Variants in CCDC171 observed in about 807,000 individuals in gnomAD.
CCDC171 encodes the protein coiled-coil domain containing 171.
A neutral mutation model predicts 168.2 loss-of-function variants in CCDC171; 177 were observed. The ratio of observed to expected loss-of-function variants is 1.05; its 90% CI spans 0.93 to 1.19. The LOEUF (loss-of-function observed/expected upper bound fraction) is 1.19, where lower values mean the gene tolerates loss of function less well. Ranked by LOEUF, CCDC171 falls within the 50% of genes most tolerant of loss-of-function variation. The pLI is 0.00. For missense variants in CCDC171, 1,991 were observed against 1,539.0 expected, an observed-to-expected ratio of 1.29 and a Z score of -4.91; for synonymous variants, 687 against 540.8, an observed-to-expected ratio of 1.27 and a Z score of -3.75.
intron 11 of CCDC171, among the ~76,000 whole-genome samples, chr9:15,710,083 A>G (rs1380007416): frequency 1.3e-5 from 2 of 152,290 alleles, no homozygotes; most frequent in South Asian, 2.1e-4. Context: ...GTATTCATAA[A>G]TATTTAACTT....
At chr9:15,714,058 A>G (rs1425077434) in intron 11 of CCDC171, among the ~76,000 whole-genome samples, 1 of 152,188 alleles carries the variant, frequency 6.6e-6, no homozygotes, top group African/African-American at 2.4e-5. Context: ...ATTTAATTGC[A>G]GCAGCAATTG....
intron 2 of CCDC171, among the ~76,000 whole-genome samples, chr9:15,569,138 C>A (rs1323695376): frequency 6.6e-6 from 1 of 152,152 alleles, no homozygotes; most frequent in African/African-American, 2.4e-5. Flanking sequence ...AACCTGGGCT[C>A]TTTTAATAGG....
chr9:16,072,366 G>C, the CCDC171 span, among the ~76,000 whole-genome samples: 1 of 152,224 alleles, frequency 6.6e-6, no homozygotes, highest in African/African-American at 2.4e-5. Flanking sequence ...GAGGCAGGGA[G>C]CTCCTCTGGC....
At chr9:15,633,770 A>C (rs547433626) in intron 7 of CCDC171, among the ~76,000 whole-genome samples, 1 of 152,350 alleles carries the variant, frequency 6.6e-6, no homozygotes, top group Admixed American at 6.5e-5. Flanking sequence ...ACTTGGAACC[A>C]ACCCAAATGT....
chr9:15,673,758 T>C (rs1564185427), intron 9 of CCDC171, among the ~76,000 whole-genome samples: 1 of 152,240 alleles, frequency 6.6e-6, no homozygotes, highest in Non-Finnish European at 1.5e-5. Flanking sequence ...GCCAGTATTT[T>C]AATGAGGATT....
intron 6 of CCDC171, among the ~76,000 whole-genome samples, chr9:16,025,685 G>C (rs537982230): frequency 3.3e-5 from 5 of 152,202 alleles, no homozygotes; most frequent in Admixed American, 6.5e-5. Flanking sequence ...AAAAAAACTA[G>C]TCACAAAAGC....
At chr9:15,842,583 T>C (rs1164923349) in intron 21 of CCDC171, among the ~76,000 whole-genome samples, 1 of 151,644 alleles carries the variant, frequency 6.6e-6, no homozygotes, top group Non-Finnish European at 1.5e-5. Flanking sequence ...TTTGATAAGG[T>C]TTTTTTTCTA....
At chr9:15,596,753 G>A (rs1330107496) in intron 6 of CCDC171, among the ~76,000 whole-genome samples, 6 of 151,572 alleles carry the variant, frequency 4.0e-5, no homozygotes, top group South Asian at 2.1e-4. Context: ...CCATTTTCAC[G>A]ATATTGATTC....
intron 21 of CCDC171, among the ~76,000 whole-genome samples, chr9:15,801,697 C>T (rs1358055890): frequency 6.6e-6 from 1 of 151,988 alleles, no homozygotes; most frequent in African/African-American, 2.4e-5. Flanking sequence ...ATATTCAGAT[C>T]TTAGAGGAAA....
At chr9:15,833,258 C>G (rs1361869064) in intron 21 of CCDC171, among the ~76,000 whole-genome samples, 1 of 152,084 alleles carries the variant, frequency 6.6e-6, no homozygotes, top group African/African-American at 2.4e-5. Flanking sequence ...TCCCAAAGTG[C>G]TGGGATTACA....
intron 3 of CCDC171, among the ~76,000 whole-genome samples, chr9:15,991,226 A>G (rs547819167): frequency 6.6e-6 from 1 of 152,188 alleles, no homozygotes; most frequent in Non-Finnish European, 1.5e-5. Flanking sequence ...AACAAAAATT[A>G]TAAACTCAGA....
intron 7 of CCDC171, among the ~76,000 whole-genome samples, chr9:15,648,287 TATC>T (rs1278568106): frequency 3.9e-5 from 6 of 152,158 alleles, no homozygotes; most frequent in African/African-American, 1.4e-4. Context: ...CCACAGCCAA[TATC>T]ATACTGAATG....
chr9:15,612,014 C>T (rs947139943), intron 6 of CCDC171, among the ~76,000 whole-genome samples: 28 of 152,160 alleles, frequency 1.8e-4, no homozygotes, highest in Admixed American at 1.4e-3. Context: ...TCTTGCCTTC[C>T]ACCATGTTAG....
At chr9:15,611,867 C>T (rs981827571) in intron 6 of CCDC171, among the ~76,000 whole-genome samples, 1 of 152,208 alleles carries the variant, frequency 6.6e-6, no homozygotes, top group African/African-American at 2.4e-5. Flanking sequence ...GTTTGTGTCC[C>T]TCCTAAATTT....
chr9:15,643,153 TG>T (rs2046774083), intron 7 of CCDC171, among the ~76,000 whole-genome samples: 1 of 152,160 alleles, frequency 6.6e-6, no homozygotes, highest in Admixed American at 6.5e-5. Flanking sequence ...TGTGAGATTT[TG>T]GTCCTTTGCT....
intron 6 of CCDC171, among the ~76,000 whole-genome samples, chr9:15,599,463 G>C (rs1192544599): frequency 6.6e-6 from 1 of 152,136 alleles, no homozygotes; most frequent in Non-Finnish European, 1.5e-5. Flanking sequence ...CTTCAAGAAT[G>C]TTGAATATTG....
rs557379547 is a variant in CCDC171 at position 15,645,246 on chromosome 9, A to G, written c.823-11881A>G. Among the ~76,000 whole-genome samples the G allele has an allele frequency of 4.6e-5, 7 of 152,346 alleles. No homozygotes were observed. In the East Asian group the frequency reaches 1.3e-3, roughly 29 times the overall value. ...ACCAAAACCCCATCTGTATGTCACC[A>G]TCATCAAAGACCAAAGGTAGATAAA... On this transcript the variant is annotated intron_variant, in intron 7 of 25. Transcript: ENST00000380701.
intron 23 of CCDC171, among the ~76,000 whole-genome samples, chr9:15,868,899 C>G (rs2061907370): frequency 6.6e-6 from 1 of 151,878 alleles, no homozygotes; most frequent in Non-Finnish European, 1.5e-5. Flanking sequence ...CTGTGGATAC[C>G]AATATCCATG....
At chr9:16,088,144 C>T in the CCDC171 span, among the ~76,000 whole-genome samples, 2 of 152,116 alleles carry the variant, frequency 1.3e-5, no homozygotes, top group Non-Finnish European at 2.9e-5. Flanking sequence ...TCAATAGATG[C>T]AGAAAAGGCC....
Sources: gnomAD v4.1 joint callset for allele counts (sites outside exome capture counted in the v4.1 genomes callset) on GRCh38, gnomAD v4.1.1 for gene constraint, MANE v1.5 for transcripts, NCBI Gene and HGNC (gene_info 2026-07-23, HGNC 2026-07-21) for gene names.